The following MTUS1 variants were observed in gnomAD, a reference collection of about 807,000 sequenced individuals.
MTUS1 encodes the protein microtubule-associated tumor suppressor 1.
MTUS1 carries 109 observed loss-of-function variants against 120.8 expected under a neutral mutation model. The ratio of observed to expected loss-of-function variants is 0.90; its 90% CI spans 0.77 to 1.06. The LOEUF is 1.06. MTUS1 is among the 50% of genes least tolerant of loss of function. MTUS1 has a pLI of 0.00. For missense variants in MTUS1, 2,210 were observed against 1,486.3 expected, an observed-to-expected ratio of 1.49 and a Z score of -8.01; for synonymous variants, 737 against 550.5, an observed-to-expected ratio of 1.34 and a Z score of -4.74.
At chr8:17,759,087 T>C (rs2048844034) in intron 1 of MTUS1, among the ~76,000 whole-genome samples, 1 of 151,494 alleles carries the variant, frequency 6.6e-6, no homozygotes, top group Non-Finnish European at 1.5e-5. Context: ...TCCACTGTGT[T>C]AGCCAGCATG....
chr8:17,783,065 T>G (rs2051009442), intron 1 of MTUS1, among the ~76,000 whole-genome samples: 1 of 150,646 alleles, frequency 6.6e-6, no homozygotes, highest in African/African-American at 2.4e-5. Flanking sequence ...GCGAAGAGAG[T>G]GAAATTCTGT....
intron 1 of MTUS1, among the ~76,000 whole-genome samples, chr8:17,764,165 T>A (rs373644515): frequency 5.9e-5 from 9 of 152,188 alleles, no homozygotes; most frequent in African/African-American, 2.2e-4. Flanking sequence ...AAGAACTATG[T>A]CATTTTAGTC....
chr8:17,698,415 T>C (rs1469660796), intron 6 of MTUS1, among the ~76,000 whole-genome samples: 3 of 152,128 alleles, frequency 2.0e-5, no homozygotes, highest in African/African-American at 7.2e-5. Flanking sequence ...AACAAAGATA[T>C]GGTTATAAGA....
chr8:17,680,464 CAAAAAAAAAAAAAAAA>C (rs58490523), intron 7 of MTUS1, among the ~76,000 whole-genome samples: 14 of 24,310 alleles, frequency 5.8e-4, no homozygotes, highest in African/African-American at 2.0e-3. Context: ...GCCACTGTCG[CAAAAAAAAAAAAAAAA>C]AAAAAAAAAA....
intron 4 of MTUS1, among the ~76,000 whole-genome samples, chr8:17,721,503 TAA>T (rs1379476882): frequency 1.3e-5 from 2 of 152,192 alleles, no homozygotes; most frequent in African/African-American, 4.8e-5. Context: ...TGAATTATAT[TAA>T]GAGTGCAAAA....
chr8:17,673,034 A>T (rs1812338075), intron 8 of MTUS1, among the ~76,000 whole-genome samples: 1 of 152,208 alleles, frequency 6.6e-6, no homozygotes, highest in South Asian at 2.1e-4. Context: ...ACCTCTAGGT[A>T]GGCTCACCTC....
Position 17,754,694 on chromosome 8 carries a change from T to G in MTUS1, c.1114A>C (p.Thr372Pro), listed in dbSNP as rs775814520. ...ACCATTTGTGTGTCTTCAGTCTCAG[T>G]GACTTTATGCTCTGGGTTCAGCACT... ...AQVLNPEHKV[T>P]ETEDTQMVSK... The change falls in exon 2 of 15, where the codon ACT becomes CCT. Residue 372 changes from threonine (T) to proline (P), a missense_variant. Coordinates refer to ENST00000693296, the MANE Select transcript of MTUS1 (RefSeq NM_001363059.2). 1 of 1,614,236 alleles carries G rather than the reference T, an allele frequency of 6.2e-7. No individual in the cohort carries two copies. Among genetic ancestry groups the G allele is most frequent in the Middle Eastern group, 1.6e-4 (1 of 6,062 alleles).
chr8:17,733,277 G>C (rs1300676393), intron 3 of MTUS1, among the ~76,000 whole-genome samples: 1 of 151,900 alleles, frequency 6.6e-6, no homozygotes, highest in Non-Finnish European at 1.5e-5. Flanking sequence ...CTTAAACCAG[G>C]GAGGTGGAGG....
At chr8:17,791,151 A>G (rs566403840) in intron 1 of MTUS1, among the ~76,000 whole-genome samples, 1 of 152,218 alleles carries the variant, frequency 6.6e-6, no homozygotes, top group East Asian at 1.9e-4. Flanking sequence ...CTTACTCGCC[A>G]TAAGACAAAA....
At chr8:17,669,081 T>C (rs1466130306) in intron 8 of MTUS1, among the ~76,000 whole-genome samples, 3 of 152,190 alleles carry the variant, frequency 2.0e-5, no homozygotes, top group African/African-American at 7.2e-5. Flanking sequence ...TAAGGAGCTA[T>C]TGGCCTTGCC....
chr8:17,723,511 G>T (rs1157697018), intron 4 of MTUS1, 161 bp downstream of exon 4: 4 of 733,418 alleles, frequency 5.5e-6, no homozygotes, highest in Admixed American at 4.4e-5. Context: ...GTTTTTCAAA[G>T]AATTTTTTTT....
intron 6 of MTUS1, chr8:17,703,962 A>C (rs1249820791): frequency 2.0e-5 from 3 of 152,044 alleles, no homozygotes; most frequent in Non-Finnish European, 4.4e-5. Context: ...TCCCTAATAA[A>C]ATCTTGCTGG....
chr8:17,719,534 T>C (rs187521214), intron 4 of MTUS1, among the ~76,000 whole-genome samples: 1 of 152,306 alleles, frequency 6.6e-6, no homozygotes, highest in East Asian at 1.9e-4. Flanking sequence ...TTTTAAATAG[T>C]CCATTCAGAA....
Position 17,645,849 on chromosome 8 carries a change from C to G in MTUS1, c.*77G>C. ...ACGTGTGCTGATATACCTCTTGTGC[C>G]CACGTTCCTCCTTGGGGTCAGTCCT... is the stretch of plus-strand genomic sequence containing the variant. On this transcript the variant is annotated 3_prime_UTR_variant, in exon 15 of 15. Transcript: ENST00000693296. The G allele has an allele frequency of 6.6e-7, 1 of 1,517,472 alleles. No individual in the cohort carries two copies. The highest frequency in any genetic ancestry group is 2.4e-5 in the East Asian group (1 of 42,108). The allele number at this position is 1,517,472 out of a possible 1,614,324, so 94.0% of individuals were successfully genotyped here.
At chr8:17,678,743 A>C (rs1025058336) in intron 7 of MTUS1, among the ~76,000 whole-genome samples, 4 of 103,924 alleles carry the variant, frequency 3.8e-5, no homozygotes, top group South Asian at 3.8e-4. Context: ...GTTAAATTCC[A>C]CTTGCAAAAA....
intron 1 of MTUS1, among the ~76,000 whole-genome samples, chr8:17,774,603 G>T (rs1056207635): frequency 2.6e-5 from 4 of 152,166 alleles, no homozygotes; most frequent in Non-Finnish European, 4.4e-5. Flanking sequence ...TGCTGGTGAG[G>T]ATATGGAGAA....
intron 6 of MTUS1, among the ~76,000 whole-genome samples, chr8:17,704,705 C>T (rs1313155228): frequency 6.6e-6 from 1 of 152,128 alleles, no homozygotes; most frequent in Non-Finnish European, 1.5e-5. Context: ...ACTGTGATGC[C>T]TCCAGCTTTG....
intron 8 of MTUS1, among the ~76,000 whole-genome samples, chr8:17,669,701 C>T (rs1328957113): frequency 6.6e-6 from 1 of 151,982 alleles, no homozygotes; most frequent in Non-Finnish European, 1.5e-5. Context: ...AAAAATTAGC[C>T]GGCCGTGGTG....
At chr8:17,790,585 T>C (rs1395203404) in intron 1 of MTUS1, among the ~76,000 whole-genome samples, 2 of 152,228 alleles carry the variant, frequency 1.3e-5, no homozygotes, top group African/African-American at 4.8e-5. Context: ...GCTACTAATC[T>C]GAATGGCTTA....
Sources: allele counts gnomAD v4.1 joint callset (sites outside exome capture counted in the v4.1 genomes callset), GRCh38; gene constraint gnomAD v4.1.1; transcripts MANE v1.5; gene names NCBI Gene and HGNC (gene_info 2026-07-23, HGNC 2026-07-21).